The following GGA2 variants were observed in gnomAD, a reference collection of about 807,000 sequenced individuals.
GGA2 encodes ADP-ribosylation factor-binding protein GGA2.
Under a neutral mutation model 79.5 loss-of-function variants are expected in GGA2, and 48 were observed. The observed-to-expected ratio is 0.60, with a 90% CI of 0.48 to 0.77. The LOEUF is 0.77. GGA2 is among the 30% of genes least tolerant of loss of function. The pLI, the probability that GGA2 is intolerant of heterozygous loss-of-function variation, is 0.00. For missense variants in GGA2, 770 were observed against 774.0 expected (o/e 0.99, Z 0.06); for synonymous variants, 317 against 302.0 (o/e 1.05, Z -0.51).
At chr16:23,508,603 G>A (rs1170721775) in intron 1 of GGA2, among the ~76,000 whole-genome samples, 2 of 152,028 alleles carry the variant, frequency 1.3e-5, no homozygotes, top group African/African-American at 4.8e-5. Context: ...GCCTGTTTCT[G>A]CTCAGCCTTC....
In GGA2 at chr16:23,483,007, G is replaced by C. The variant is rs1217948597; in HGVS notation, c.799-3C>G. ...TTTTCACACCTCTCATACACGACCT[G>C]AAAGAGCAGAGCTTGGTTCATGACA... On this transcript the variant is annotated splice_polypyrimidine_tract_variant and splice_region_variant and intron_variant, in intron 8 of 16. Coordinates refer to ENST00000309859, the MANE Select transcript of GGA2 (RefSeq NM_015044.4). 1 of 1,604,392 alleles carries C rather than the reference G, an allele frequency of 6.2e-7. No individual in the cohort carries two copies. Among genetic ancestry groups the C allele is most frequent in the Non-Finnish European group, 8.5e-7 (1 of 1,171,294 alleles).
chr16:23,510,281 C>A (rs1286004280), intron 1 of GGA2, 40 bp downstream of exon 1: 3 of 1,315,830 alleles, frequency 2.3e-6, no homozygotes, highest in Non-Finnish European at 3.0e-6. Context: ...GCCTCACGTG[C>A]GGCGCAGCGG....
intron 1 of GGA2, 145 bp downstream of exon 1, chr16:23,510,176 T>C (rs1239146653): frequency 4.9e-6 from 2 of 406,852 alleles, no homozygotes; most frequent in East Asian, 4.2e-5. Flanking sequence ...CTGGGCGATC[T>C]TCCCCACCGC....
Position 23,495,713 on chromosome 16 carries a change from C to T in GGA2, c.157G>A (p.Val53Met), listed in dbSNP as rs1178204038. The change falls in exon 2 of 17, where the codon GTG (valine) becomes ATG (methionine). Residue 53 changes from valine (V) to methionine (M), a missense_variant. Coordinates refer to ENST00000309859, the MANE Select transcript of GGA2 (RefSeq NM_015044.4). ...CCTTACCCATTGGGGTCAGTGTTCA[C>T]CTGCTCACAGAAATTCTGGATAGCT... Reference protein sequence around the residue: ...WSAIQNFCEQVNTDPNGPTHA... With the variant: ...WSAIQNFCEQMNTDPNGPTHA... 2 of 1,608,616 alleles carry T rather than the reference C, an allele frequency of 1.2e-6. No individual in the cohort carries two copies. The highest frequency in any genetic ancestry group is 2.2e-5 in the East Asian group (1 of 44,856).
chr16:23,469,725 T>C (rs1470931260), intron 15 of GGA2: 1 of 239,666 alleles, frequency 4.2e-6, no homozygotes, highest in African/African-American at 2.3e-5. Context: ...ACTTTCCTGT[T>C]TGTGGAGAAA....
At chr16:23,501,025 TGACTTGG>T (rs1243792576) in intron 1 of GGA2, 20 of 339,750 alleles carry the variant, frequency 5.9e-5, no homozygotes, top group Non-Finnish European at 1.2e-4. Context: ...TTAGAAAGTG[TGACTTGG>T]GCAATATATT....
intron 14 of GGA2, among the ~76,000 whole-genome samples, chr16:23,471,476 G>A (rs556502233): frequency 1.6e-4 from 24 of 151,968 alleles, no homozygotes; most frequent in Non-Finnish European, 2.5e-4. Flanking sequence ...TAAACAAAAC[G>A]TGTGGAACAG....
At chr16:23,511,483 G>T (rs989748904), upstream of GGA2, among the ~76,000 whole-genome samples, 2 of 144,972 alleles carry the variant, frequency 1.4e-5, no homozygotes, top group Non-Finnish European at 3.0e-5. Context: ...TTTATTCACA[G>T]AAGGGTTTTC....
At chr16:23,505,168 C>G (rs1034042998) in intron 1 of GGA2, among the ~76,000 whole-genome samples, 1 of 152,192 alleles carries the variant, frequency 6.6e-6, no homozygotes, top group African/African-American at 2.4e-5. Flanking sequence ...TACAATTCAG[C>G]ACATGTGAAA....
At chr16:23,472,270 T>TGCA (rs1449126922) in intron 14 of GGA2, among the ~76,000 whole-genome samples, 4 of 138,602 alleles carry the variant, frequency 2.9e-5, no homozygotes, top group Admixed American at 1.6e-4. Flanking sequence ...CTCAGCTCAC[T>TGCA]GCAACCTCCG....
chr16:23,474,839 A>C (rs545785697), intron 14 of GGA2, 65 bp downstream of exon 14: 1 of 1,226,820 alleles, frequency 8.2e-7, no homozygotes, highest in Admixed American at 1.7e-5. Context: ...GGAGTGGAAA[A>C]AGCTGGGAGT....
intron 10 of GGA2, 46 bp from the exon 11 acceptor site, chr16:23,479,933 CAA>C (rs1567361459): frequency 1.1e-5 from 18 of 1,599,416 alleles, no homozygotes; most frequent in Middle Eastern, 1.7e-4. Flanking sequence ...GACATGAGAG[CAA>C]AGTCTCCACA....
chr16:23,468,873 C>T lies in GGA2; in HGVS notation c.1731+13G>A, dbSNP rs1964474461. 13 of 1,527,002 alleles carry T rather than the reference C, an allele frequency of 8.5e-6. No homozygotes were observed. Among genetic ancestry groups the T allele is most frequent in the Admixed American group, 1.7e-5 (1 of 59,872 alleles). The allele number at this position is 1,527,002 out of a possible 1,614,324, so 94.6% of individuals were successfully genotyped here. Reference sequence around the variant, plus strand: ...GCCCCCATCTCCCTGCTACCACAGACACTGGAACATACTTTGTGTGGATTG... The same window carrying T: ...GCCCCCATCTCCCTGCTACCACAGATACTGGAACATACTTTGTGTGGATTG... On this transcript the variant is annotated intron_variant, in intron 16 of 16. Coordinates refer to ENST00000309859, the MANE Select transcript of GGA2 (RefSeq NM_015044.4).
At chr16:23,522,011 T>G, upstream of GGA2, 1 of 341,452 alleles carries the variant, frequency 2.9e-6, no homozygotes. Flanking sequence ...ATACTGCTTC[T>G]CTCATAGTGT....
intron 3 of GGA2, 191 bp downstream of exon 3, chr16:23,494,112 C>G (rs1964824107): frequency 1.7e-6 from 1 of 595,454 alleles, no homozygotes; most frequent in South Asian, 2.1e-5. Flanking sequence ...CCTGAAGAAA[C>G]AGACGAGAAA....
Position 23,465,001 on chromosome 16 carries a change from TGGG to T in GGA2, c.*2586_*2588del. The T allele has an allele frequency of 3.2e-6, 1 of 309,130 alleles. No individual in the cohort carries two copies. The highest frequency in any genetic ancestry group is 6.0e-6 in the Non-Finnish European group (1 of 165,432). The allele number at this position is 309,130 out of a possible 1,614,324, so 19.1% of individuals were successfully genotyped here. ...GCAGTCACGGAGGTAGGTCACGAAA[TGGG>T]TCAACAGGACCCCCGAAGAGTTCAA... On this transcript the variant is annotated 3_prime_UTR_variant, in exon 17 of 17. Coordinates refer to ENST00000309859, the MANE Select transcript of GGA2 (RefSeq NM_015044.4).
intron 2 of GGA2, 126 bp downstream of exon 2, chr16:23,495,568 A>G (rs1338030727): frequency 2.0e-6 from 1 of 494,082 alleles, no homozygotes; most frequent in Non-Finnish European, 3.6e-6. Flanking sequence ...AACTGTTGGG[A>G]TTATAGGCAT....
At chr16:23,502,655 A>T (rs929304073) in intron 1 of GGA2, among the ~76,000 whole-genome samples, 1 of 152,212 alleles carries the variant, frequency 6.6e-6, no homozygotes, top group Non-Finnish European at 1.5e-5. Context: ...TATGGAGAGG[A>T]GCAGCGGTTC....
intron 1 of GGA2, among the ~76,000 whole-genome samples, chr16:23,498,507 C>T (rs1444127444): frequency 6.6e-6 from 1 of 151,926 alleles, no homozygotes; most frequent in Non-Finnish European, 1.5e-5. Flanking sequence ...GTAGGAGGAT[C>T]GCCTGAACCC....
Sources: allele counts gnomAD v4.1 joint callset (sites outside exome capture counted in the v4.1 genomes callset), GRCh38; gene constraint gnomAD v4.1.1; transcripts MANE v1.5; gene names NCBI Gene and HGNC (gene_info 2026-07-23, HGNC 2026-07-21).